Variants in SLC38A10 observed in about 807,000 individuals in gnomAD.
The protein encoded by SLC38A10 is solute carrier family 38 member 10.
SLC38A10 carries 53 observed loss-of-function variants against 81.0 expected under a neutral mutation model. The ratio of observed to expected loss-of-function variants is 0.65; its 90% CI spans 0.53 to 0.82. The LOEUF (loss-of-function observed/expected upper bound fraction) is 0.82, where lower values mean the gene tolerates loss of function less well. Ranked by LOEUF, SLC38A10 falls within the 40% of genes least tolerant of loss-of-function variation. The pLI is 0.00. For synonymous variants in SLC38A10, 665 were observed against 655.3 expected (o/e 1.01, Z -0.23); for missense variants, 1,471 against 1,545.0 (o/e 0.95, Z 0.80).
At chr17:81,282,769 C>A (rs1476281557) in intron 4 of SLC38A10, among the ~76,000 whole-genome samples, 4 of 152,210 alleles carry the variant, frequency 2.6e-5, no homozygotes, top group African/African-American at 9.6e-5. Flanking sequence ...AGTAGGGGAC[C>A]TAGCTCCCTG....
In SLC38A10 at chr17:81,277,247, C is replaced by G; in HGVS notation, c.627-114G>C. ...TGAGAGTCTCTGACCTTCCTTCATG[C>G]AACATTCTCTGCACACTGGAAGTCC... is the stretch of plus-strand genomic sequence containing the variant. On this transcript the variant is annotated intron_variant, in intron 6 of 15. Transcript: ENST00000374759. This position sits in a 1 kb window ranked among gnomAD's most constrained non-coding sequence, Gnocchi z 4.5. 1.1e-6 allele frequency: 1 copy of G among 892,688 alleles called. No individual in the cohort carries two copies. The highest frequency in any genetic ancestry group is 1.4e-5 in the South Asian group (1 of 69,098). The allele number at this position is 892,688 out of a possible 1,614,324, so 55.3% of individuals were successfully genotyped here.
chr17:81,251,388 G>C (rs747710369), intron 14 of SLC38A10, 105 bp downstream of exon 14: 2 of 1,612,064 alleles, frequency 1.2e-6, no homozygotes, highest in Non-Finnish European at 8.5e-7. Flanking sequence ...GAGAAGGGGG[G>C]CCTGGCAGGG....
intron 14 of SLC38A10, among the ~76,000 whole-genome samples, chr17:81,249,019 T>C (rs1456994783): frequency 6.6e-6 from 1 of 152,158 alleles, no homozygotes; most frequent in Non-Finnish European, 1.5e-5. Flanking sequence ...CCCTGGGTGC[T>C]GCGGGGCTCA....
chr17:81,268,410 T>TC (rs1004909354), intron 10 of SLC38A10, among the ~76,000 whole-genome samples: 2 of 152,074 alleles, frequency 1.3e-5, no homozygotes, highest in Non-Finnish European at 2.9e-5. Context: ...TTCTTTTTTT[T>TC]CTTTTTTTTT....
At chr17:81,275,883 A>G in intron 8 of SLC38A10, 86 bp downstream of exon 8, 1 of 1,440,176 alleles carries the variant, frequency 6.9e-7, no homozygotes, top group Non-Finnish European at 9.3e-7. Context: ...TTCCTGCTAT[A>G]TCTCTGGTTC....
intron 11 of SLC38A10, among the ~76,000 whole-genome samples, chr17:81,255,442 A>T: frequency 6.6e-6 from 1 of 152,104 alleles, no homozygotes; most frequent in East Asian, 1.9e-4. Context: ...AGCCGCTTCC[A>T]CTCTCAACAT....
chr17:81,250,485 G>A (rs1352042764), intron 14 of SLC38A10, among the ~76,000 whole-genome samples: 3 of 152,238 alleles, frequency 2.0e-5, no homozygotes, highest in Admixed American at 1.3e-4. Flanking sequence ...ATCCTGGGAG[G>A]TGCCCGTGCC....
chr17:81,283,240 C>T lies in SLC38A10; in HGVS notation c.357+169G>A, dbSNP rs1238068193. ...CTTCCTCGCGTGTACCTCTCACAGACGTGACCCAGCAAAGCCCCCGCACTC... is the reference window on the plus strand; with the variant it reads ...CTTCCTCGCGTGTACCTCTCACAGATGTGACCCAGCAAAGCCCCCGCACTC... On this transcript the variant is annotated intron_variant, in intron 4 of 15. Coordinates refer to ENST00000374759, the MANE Select transcript of SLC38A10 (RefSeq NM_001037984.3). The surrounding 1 kb of genome is among the most constrained non-coding windows in gnomAD (Gnocchi z 4.7). Among the ~76,000 whole-genome samples, 2 of 152,140 alleles carry T rather than the reference C, an allele frequency of 1.3e-5. No individual in the cohort carries two copies. The highest frequency in any genetic ancestry group is 2.4e-5 in the African/African-American group (1 of 41,422).
intron 8 of SLC38A10, among the ~76,000 whole-genome samples, chr17:81,275,633 G>A (rs1006683734): frequency 6.7e-6 from 1 of 149,420 alleles, no homozygotes; most frequent in African/African-American, 2.5e-5. Flanking sequence ...ACGGGAGGCT[G>A]AGGCAGGAGA....
intron 8 of SLC38A10, among the ~76,000 whole-genome samples, chr17:81,274,873 T>C (rs1282994754): frequency 3.3e-5 from 5 of 152,240 alleles, no homozygotes; most frequent in Non-Finnish European, 7.3e-5. Context: ...CTGGCCTACA[T>C]GTGTTACAGT....
rs182344835 is a variant in SLC38A10, at chr17:81,292,366, C to T, written c.99+2457G>A. On this transcript the variant is annotated intron_variant, in intron 1 of 15. Coordinates refer to ENST00000374759, the MANE Select transcript of SLC38A10 (RefSeq NM_001037984.3). ...GGTCTTGAACTCCTGACCTCGTGAT[C>T]CACCCTCCTCAGCCTCCAAAAGTGC... is the stretch of plus-strand genomic sequence containing the variant. 2.1e-3 allele frequency among the ~76,000 whole-genome samples: 322 copies of T among 152,132 alleles called. 4 individuals are homozygous for T. Among genetic ancestry groups the T allele is most frequent in the African/African-American group, 7.3e-3 (304 of 41,498 alleles).
chr17:81,272,520 G>A lies in SLC38A10; in HGVS notation c.1020C>T (p.Pro340=), dbSNP rs267605092. Residue 340 remains proline (P), a synonymous_variant, in exon 9 of 16, where the codon CCC becomes CCT. Coordinates refer to ENST00000374759, the MANE Select transcript of SLC38A10 (RefSeq NM_001037984.3). ...FGTMVGGILI[P]NVETILGLTG... ...AGGGCAGCCCTCCCGCCTTACCGTT[G>A]GGGATAAGGATGCCACCAACCATGG... The A allele has an allele frequency of 6.3e-7, 1 of 1,587,136 alleles. No homozygotes were observed. Among genetic ancestry groups the A allele is most frequent in the Non-Finnish European group, 8.6e-7 (1 of 1,168,834 alleles).
intron 14 of SLC38A10, chr17:81,250,943 T>A: frequency 1.6e-6 from 2 of 1,259,868 alleles, no homozygotes; most frequent in Non-Finnish European, 2.0e-6. Context: ...GAGGGACAGG[T>A]GACAGATCCC....
In SLC38A10 at chr17:81,250,459, CGTGT is replaced by C. The variant is rs1233694099; in HGVS notation, c.2065+1030_2065+1033del. 8.5e-5 allele frequency among the ~76,000 whole-genome samples: 13 copies of C among 152,332 alleles called. No individual in the cohort carries two copies. In the South Asian group the frequency reaches 1.7e-3, roughly 19 times the overall value. ...CAGGGCAAGATGCGCGGGCAGGAAG[CGTGT>C]GTCTTACGAACATCCTGGGAGGTGC... On this transcript the variant is annotated intron_variant, in intron 14 of 15. Transcript: ENST00000374759.
rs746938250 is a variant in SLC38A10, at chr17:81,245,706, G to A, written c.3210C>T (p.Val1070=). The A allele has an allele frequency of 1.9e-6, 3 of 1,539,192 alleles. No individual in the cohort carries two copies. The Admixed American group carries it at 5.8e-5, about 30-fold the overall frequency. ...AEGQLAPRDG[V]IIGLNPLPDV... is the part of the protein sequence containing the mutation. ...CAGGCAGGGGGTTAAGGCCAATGAT[G>A]ACCCCATCCCTCGGGGCCAGCTGAC... is the stretch of plus-strand genomic sequence containing the variant. Residue 1070 remains valine, a synonymous_variant, in exon 16 of 16, where the codon GTC becomes GTT. Coordinates refer to ENST00000374759, the MANE Select transcript of SLC38A10 (RefSeq NM_001037984.3).
intron 9 of SLC38A10, among the ~76,000 whole-genome samples, chr17:81,272,179 TG>T (rs201915675): frequency 0.017 from 2,573 of 152,114 alleles, 34 homozygotes; most frequent in Non-Finnish European, 0.025. Context: ...ATTACAGGCA[TG>T]CACCATGACG....
chr17:81,271,506 T>C (rs1311380696), intron 9 of SLC38A10, among the ~76,000 whole-genome samples: 2 of 152,218 alleles, frequency 1.3e-5, no homozygotes, highest in Non-Finnish European at 2.9e-5. Flanking sequence ...TGTCATCCTC[T>C]GATGACAACG....
At chr17:81,260,200 T>C in intron 11 of SLC38A10, 38 bp downstream of exon 11, 20 of 1,566,562 alleles carry the variant, frequency 1.3e-5, no homozygotes, top group South Asian at 2.4e-5. Flanking sequence ...CAGTGGGCAC[T>C]TGCCCTGAGA....
chr17:81,248,895 C>T (rs777076781), intron 14 of SLC38A10, among the ~76,000 whole-genome samples: 10 of 152,228 alleles, frequency 6.6e-5, no homozygotes, highest in Admixed American at 2.6e-4. Flanking sequence ...CCGGGCCAGA[C>T]GCCTGCCTGC....
Sources: gnomAD v4.1 joint callset for allele counts (sites outside exome capture counted in the v4.1 genomes callset) on GRCh38, gnomAD v4.1.1 for gene constraint, Gnocchi (gnomAD v3.1) non-coding constraint, MANE v1.5 for transcripts, NCBI Gene and HGNC (gene_info 2026-07-23, HGNC 2026-07-21) for gene names.